The following SLC7A1 variants were observed in gnomAD, a reference collection of about 807,000 sequenced individuals.
The protein encoded by SLC7A1 is high affinity cationic amino acid transporter 1.
A neutral mutation model predicts 53.9 loss-of-function variants in SLC7A1; 10 were observed. The observed-to-expected ratio is 0.19, with a 90% CI of 0.11 to 0.31. The LOEUF is 0.31. Ranked by LOEUF, SLC7A1 falls within the 10% of genes least tolerant of loss-of-function variation. SLC7A1 has a pLI of 1.00. For synonymous variants in SLC7A1, 342 were observed against 338.7 expected (o/e 1.01, Z -0.11); for missense variants, 525 against 827.2 (o/e 0.63, Z 4.48).
At chr13:29,595,306 C>T (rs1475635381) in intron 1 of SLC7A1, 110 bp downstream of exon 1, 1 of 151,654 alleles carries the variant, frequency 6.6e-6, no homozygotes, top group Non-Finnish European at 1.5e-5. Context: ...CGCGGGGGCC[C>T]TCGCCACTCC....
intron 2 of SLC7A1, among the ~76,000 whole-genome samples, chr13:29,537,394 G>C (rs1203174548): frequency 6.6e-6 from 1 of 152,226 alleles, no homozygotes; most frequent in Non-Finnish European, 1.5e-5. Flanking sequence ...GACTGGTTCT[G>C]TCAAGGTCAT....
At position 29,532,763 on chromosome 13, in the gene SLC7A1, G is replaced by A. The variant is rs542948657; in HGVS notation, c.529+61C>T. ...AAGTAAAGAAAGGAACTTAACAGGA[G>A]CCTCTCACCAAACCTTTGCCCATCA... is the stretch of plus-strand genomic sequence containing the variant. On this transcript the variant is annotated intron_variant, in intron 4 of 12. Transcript: ENST00000380752. 5 of 1,425,244 alleles carry A rather than the reference G, an allele frequency of 3.5e-6. No individual in the cohort carries two copies. The South Asian group carries it at 6.8e-5, about 19-fold the overall frequency. The allele number at this position is 1,425,244 out of a possible 1,614,324, so 88.3% of individuals were successfully genotyped here. A position where few individuals can be genotyped will look rare whatever the true frequency, so the allele number is the denominator to read the frequency against.
chr13:29,510,484 C>T lies in SLC7A1; in HGVS notation c.*3996G>A, dbSNP rs2139053974. ...CCTTCAGAGCCTTACATATAATCTTCTCATGACGATGGCAAACAGATATAT... is the reference window on the plus strand; with the variant it reads ...CCTTCAGAGCCTTACATATAATCTTTTCATGACGATGGCAAACAGATATAT... On this transcript the variant is annotated 3_prime_UTR_variant, in exon 13 of 13. Coordinates refer to ENST00000380752, the MANE Select transcript of SLC7A1 (RefSeq NM_003045.5). 6.6e-6 allele frequency: 1 copy of T among 152,536 alleles called. No individual in the cohort carries two copies. Among genetic ancestry groups the T allele is most frequent in the East Asian group, 1.9e-4 (1 of 5,192 alleles). 9.4% of individuals were successfully genotyped at this position (152,536 alleles called of 1,614,324 possible). A position where few individuals can be genotyped will look rare whatever the true frequency, so the allele number is the denominator to read the frequency against.
intron 9 of SLC7A1, among the ~76,000 whole-genome samples, chr13:29,518,938 C>T (rs1241885026): frequency 6.6e-6 from 1 of 152,034 alleles, no homozygotes; most frequent in African/African-American, 2.4e-5. Context: ...CAGGCTATAA[C>T]AAGCTGACTC....
intron 1 of SLC7A1, among the ~76,000 whole-genome samples, chr13:29,588,398 G>C (rs1025113751): frequency 6.6e-6 from 1 of 152,168 alleles, no homozygotes; most frequent in African/African-American, 2.4e-5. Context: ...ATGTGAGTTT[G>C]TGTGGGGTGG....
In SLC7A1 at chr13:29,512,463, GAAAAGAAAA is replaced by G. The variant is rs1345394580; in HGVS notation, c.*2008_*2016del. 1.3e-5 allele frequency: 2 copies of G among 151,448 alleles called. No homozygotes were observed. Among genetic ancestry groups the G allele is most frequent in the East Asian group, 1.9e-4 (1 of 5,184 alleles). 9.4% of individuals were successfully genotyped at this position (151,448 alleles called of 1,614,324 possible). The stretch of plus-strand genomic sequence containing the variant: ...ATCTCAGCCAGAAAGAAAAACTAGA[GAAAAGAAAA>G]AAAAGAAAAAAGCAATTCTCTCCCA... On this transcript the variant is annotated 3_prime_UTR_variant, in exon 13 of 13. Transcript: ENST00000380752.
At chr13:29,579,728 T>G (rs561140736) in intron 1 of SLC7A1, among the ~76,000 whole-genome samples, 1 of 152,278 alleles carries the variant, frequency 6.6e-6, no homozygotes, top group Admixed American at 6.5e-5. Flanking sequence ...AAATACACTA[T>G]TCTGAACGGC....
rs551774044 is a variant in SLC7A1, at chr13:29,510,352, G to A, written c.*4128C>T. 5 of 152,756 alleles carry A rather than the reference G, an allele frequency of 3.3e-5. No homozygotes were observed. The highest frequency in any genetic ancestry group is 1.9e-4 in the East Asian group (1 of 5,188). 9.5% of individuals were successfully genotyped at this position (152,756 alleles called of 1,614,324 possible). On this transcript the variant is annotated 3_prime_UTR_variant, in exon 13 of 13. Coordinates refer to ENST00000380752, the MANE Select transcript of SLC7A1 (RefSeq NM_003045.5). ...TAAAAATACATTAGGAGTCATAAGCGTGATGACACATGGAGTGTAGCTTCT... is the reference window on the plus strand; with the variant it reads ...TAAAAATACATTAGGAGTCATAAGCATGATGACACATGGAGTGTAGCTTCT...
intron 2 of SLC7A1, 116 bp downstream of exon 2, chr13:29,553,645 T>C (rs1297381541): frequency 6.6e-6 from 1 of 152,248 alleles, no homozygotes; most frequent in East Asian, 1.9e-4. Flanking sequence ...CTGGGGGTTT[T>C]AGTTGACAGT....
Position 29,511,966 on chromosome 13 carries a change from ATCAT to A in SLC7A1, c.*2510_*2513del, listed in dbSNP as rs1210506185. The A allele has an allele frequency of 8.3e-6, 1 of 120,406 alleles. No homozygotes were observed. Among genetic ancestry groups the A allele is most frequent in the African/African-American group, 3.8e-5 (1 of 26,570 alleles). The allele number at this position is 120,406 out of a possible 1,614,324, so 7.5% of individuals were successfully genotyped here. A position where few individuals can be genotyped will look rare whatever the true frequency, so the allele number is the denominator to read the frequency against. ...CAAGGGAACTAAGAGATGTGAAACT[ATCAT>A]TTTTTTTTTGCTTGTGTGTATTTTT... On this transcript the variant is annotated 3_prime_UTR_variant, in exon 13 of 13. Transcript: ENST00000380752.
chr13:29,548,437 T>C (rs1249720335), intron 2 of SLC7A1, among the ~76,000 whole-genome samples: 1 of 152,230 alleles, frequency 6.6e-6, no homozygotes, highest in Non-Finnish European at 1.5e-5. Context: ...CGGGCGAGGC[T>C]GGCACCCTGG....
At chr13:29,583,901 T>C (rs1294513217) in intron 1 of SLC7A1, among the ~76,000 whole-genome samples, 1 of 152,136 alleles carries the variant, frequency 6.6e-6, no homozygotes, top group Non-Finnish European at 1.5e-5. Flanking sequence ...AAAAAAGAAA[T>C]GTCTTCCAAC....
intron 1 of SLC7A1, among the ~76,000 whole-genome samples, chr13:29,570,852 T>C (rs1421751365): frequency 8.8e-5 from 7 of 79,648 alleles, no homozygotes; most frequent in Non-Finnish European, 2.4e-4. Context: ...AGAGAGACTT[T>C]GTCTCAAAAA....
At chr13:29,541,997 A>G (rs890841289) in intron 2 of SLC7A1, among the ~76,000 whole-genome samples, 3 of 152,232 alleles carry the variant, frequency 2.0e-5, no homozygotes, top group Admixed American at 6.5e-5. Context: ...ACTATTCACT[A>G]TCATAATACT....
At chr13:29,588,821 A>G (rs1871992465) in intron 1 of SLC7A1, among the ~76,000 whole-genome samples, 1 of 152,070 alleles carries the variant, frequency 6.6e-6, no homozygotes, top group Admixed American at 6.5e-5. Context: ...ACTTTTCTTT[A>G]AGTTTGAAAT....
At chr13:29,579,920 C>T (rs970283823) in intron 1 of SLC7A1, among the ~76,000 whole-genome samples, 4 of 152,136 alleles carry the variant, frequency 2.6e-5, no homozygotes, top group Non-Finnish European at 4.4e-5. Context: ...AGGTCTCTGT[C>T]ATCGTCCTCC....
chr13:29,522,251 G>C (rs1868661326), intron 8 of SLC7A1, 66 bp downstream of exon 8: 1 of 1,526,782 alleles, frequency 6.5e-7, no homozygotes. Flanking sequence ...TGCGCAAGAC[G>C]TCTCCCTAGG....
intron 2 of SLC7A1, among the ~76,000 whole-genome samples, chr13:29,552,699 G>C (rs937872449): frequency 2.0e-5 from 3 of 152,166 alleles, no homozygotes; most frequent in Admixed American, 2.0e-4. Flanking sequence ...TTTGTTTCCC[G>C]TAAGGAATAC....
Position 29,512,089 on chromosome 13 carries a change from C to T in SLC7A1, c.*2391G>A, listed in dbSNP as rs908229112. The T allele has an allele frequency of 6.6e-6, 1 of 152,172 alleles. No homozygotes were observed. The highest frequency in any genetic ancestry group is 1.5e-5 in the Non-Finnish European group (1 of 68,038). 9.4% of individuals were successfully genotyped at this position (152,172 alleles called of 1,614,324 possible). A position where few individuals can be genotyped will look rare whatever the true frequency, so the allele number is the denominator to read the frequency against. ...ACCATTGCTTAAATCACTCCCCTCT[C>T]ACACAGAGAGAAAACCCCTGGCAAG... On this transcript the variant is annotated 3_prime_UTR_variant, in exon 13 of 13. Coordinates refer to ENST00000380752, the MANE Select transcript of SLC7A1 (RefSeq NM_003045.5).
Sources: allele counts gnomAD v4.1 joint callset (sites outside exome capture counted in the v4.1 genomes callset), GRCh38; gene constraint gnomAD v4.1.1; transcripts MANE v1.5; gene names NCBI Gene and HGNC (gene_info 2026-07-23, HGNC 2026-07-21).